The following ERI3 variants were observed in gnomAD, a reference collection of about 807,000 sequenced individuals.
The protein encoded by ERI3 is ERI1 exoribonuclease family member 3.
A neutral mutation model predicts 44.4 loss-of-function variants in ERI3; 18 were observed. The observed-to-expected ratio is 0.41, with a 90% CI of 0.28 to 0.60. The LOEUF (loss-of-function observed/expected upper bound fraction) is 0.60. Ranked by LOEUF, ERI3 falls within the 20% of genes least tolerant of loss-of-function variation. The pLI, the probability that ERI3 is intolerant of heterozygous loss-of-function variation, is 0.36. For missense variants in ERI3, 294 were observed against 435.5 expected (o/e 0.68, Z 2.89); for synonymous variants, 183 against 164.8 (o/e 1.11, Z -0.84).
intron 7 of ERI3, among the ~76,000 whole-genome samples, chr1:44,251,019 T>C (rs1156625429): frequency 6.6e-6 from 1 of 152,138 alleles, no homozygotes; most frequent in Non-Finnish European, 1.5e-5. Context: ...ACCCTAAGCA[T>C]AGTACCAGGG....
chr1:44,301,630 T>C (rs1353691310), intron 6 of ERI3, among the ~76,000 whole-genome samples: 3 of 152,174 alleles, frequency 2.0e-5, no homozygotes, highest in African/African-American at 7.2e-5. Context: ...CAATCAGCCA[T>C]TACCTCACTA....
rs199851642 is a variant in ERI3 at position 44,313,285 on chromosome 1, C to T, written c.607-57G>A. On this transcript the variant is annotated intron_variant, in intron 4 of 8. Transcript: ENST00000372257. Reference sequence around the variant, plus strand: ...AAAACCAGGGTGAAGGGACTCAAGGCTGAACAGGACCCCTTCCTTTCTGTT... The same window carrying T: ...AAAACCAGGGTGAAGGGACTCAAGGTTGAACAGGACCCCTTCCTTTCTGTT... 5 of 1,498,716 alleles carry T rather than the reference C, an allele frequency of 3.3e-6. No homozygotes were observed. The East Asian group carries it at 9.0e-5, about 27-fold the overall frequency. 92.8% of individuals were successfully genotyped at this position (1,498,716 alleles called of 1,614,324 possible). A position where few individuals can be genotyped will look rare whatever the true frequency, so the allele number is the denominator to read the frequency against.
intron 8 of ERI3, among the ~76,000 whole-genome samples, chr1:44,240,181 G>A (rs945970196): frequency 1.3e-5 from 2 of 152,206 alleles, no homozygotes; most frequent in Non-Finnish European, 2.9e-5. Context: ...ACACTTCTGC[G>A]CTGGCTCAGC....
At chr1:44,283,637 G>C (rs1645333111) in intron 7 of ERI3, among the ~76,000 whole-genome samples, 1 of 152,086 alleles carries the variant, frequency 6.6e-6, no homozygotes, top group Non-Finnish European at 1.5e-5. Context: ...CAGGAGAGGG[G>C]GTATGAGTCA....
Position 44,241,352 on chromosome 1 carries a change from G to C in ERI3, c.931+6587C>G, listed in dbSNP as rs1255289120. Reference sequence around the variant, plus strand: ...CCCCAGCCCACAGGAATCCAATGCAGTCCCTTATCTGCCCTGTCAATCACT... The same window carrying C: ...CCCCAGCCCACAGGAATCCAATGCACTCCCTTATCTGCCCTGTCAATCACT... On this transcript the variant is annotated intron_variant, in intron 8 of 8. Transcript: ENST00000372257. This position sits in a 1 kb window ranked among gnomAD's most constrained non-coding sequence, Gnocchi z 5.6. 6.6e-6 allele frequency among the ~76,000 whole-genome samples: 1 copy of C among 152,156 alleles called. No individual in the cohort carries two copies. Among genetic ancestry groups the C allele is most frequent in the African/African-American group, 2.4e-5 (1 of 41,422 alleles).
intron 8 of ERI3, among the ~76,000 whole-genome samples, chr1:44,227,683 A>G (rs1370093272): frequency 6.6e-6 from 1 of 152,158 alleles, no homozygotes; most frequent in Non-Finnish European, 1.5e-5. Flanking sequence ...TTTAAGGTTT[A>G]GCATCAAATG....
At chr1:44,227,363 T>C (rs1644070222) in intron 8 of ERI3, among the ~76,000 whole-genome samples, 1 of 152,032 alleles carries the variant, frequency 6.6e-6, no homozygotes, top group African/African-American at 2.4e-5. Flanking sequence ...GAACCATGCA[T>C]GGTAAGGGTG....
chr1:44,294,303 CAA>C (rs1175935839), intron 6 of ERI3, among the ~76,000 whole-genome samples: 2 of 152,150 alleles, frequency 1.3e-5, no homozygotes, highest in East Asian at 1.9e-4. Flanking sequence ...CAAAGTTGCT[CAA>C]AGTCTCCAAA....
chr1:44,328,842 C>T (rs1410488867), intron 3 of ERI3, among the ~76,000 whole-genome samples: 4 of 152,166 alleles, frequency 2.6e-5, no homozygotes, highest in Non-Finnish European at 5.9e-5. Flanking sequence ...CCACTTTAAG[C>T]ACCCGAGTCA....
intron 6 of ERI3, among the ~76,000 whole-genome samples, chr1:44,297,763 G>A (rs1446773411): frequency 6.6e-6 from 1 of 152,204 alleles, no homozygotes; most frequent in African/African-American, 2.4e-5. Flanking sequence ...AGGACAGATT[G>A]GCAAGCGCTG....
At chr1:44,225,380 G>A (rs80006204) in intron 8 of ERI3, among the ~76,000 whole-genome samples, 1,848 of 152,132 alleles carry the variant, frequency 0.012, 70 homozygotes, top group East Asian at 0.069. Context: ...CTTGTACCTC[G>A]GCCTCCCAAA....
In ERI3 at chr1:44,313,250, C is replaced by T. The variant is rs560282139; in HGVS notation, c.607-22G>A. 24 of 1,613,294 alleles carry T rather than the reference C, an allele frequency of 1.5e-5. No individual in the cohort carries two copies. Among genetic ancestry groups the T allele is most frequent in the Admixed American group, 5.0e-5 (3 of 60,002 alleles). On this transcript the variant is annotated intron_variant, in intron 4 of 8. Coordinates refer to ENST00000372257, the MANE Select transcript of ERI3 (RefSeq NM_024066.3). ...TGAGCTGAAAGGAAAGAGAAATAGC[C>T]GATGGGTAGAAAACCAGGGTGAAGG...
intron 2 of ERI3, among the ~76,000 whole-genome samples, chr1:44,347,879 TTGTGTGTG>T (rs113526509): frequency 2.0e-5 from 3 of 148,786 alleles, no homozygotes; most frequent in Admixed American, 6.7e-5. Flanking sequence ...GATTGTTTTG[TTGTGTGTG>T]TGTGTGTGTG....
chr1:44,266,995 G>A lies in ERI3; in HGVS notation c.831+17840C>T, dbSNP rs79665972. 3.4e-3 allele frequency among the ~76,000 whole-genome samples: 525 copies of A among 152,280 alleles called. 1 individual carries two copies. Among genetic ancestry groups the A allele is most frequent in the Admixed American group, 7.4e-3 (113 of 15,308 alleles). On this transcript the variant is annotated intron_variant, in intron 7 of 8. Transcript: ENST00000372257. Reference sequence around the variant, plus strand: ...GCTAGTAAGAGAAGGGAAGCTGAAGGGATGGAAGGCTTCAATAGAGCAATA... The same window carrying A: ...GCTAGTAAGAGAAGGGAAGCTGAAGAGATGGAAGGCTTCAATAGAGCAATA...
rs1250172563 is a variant in ERI3 at position 44,221,310 on chromosome 1, GGGGCTGATACT to G, written c.*237_*247del. On this transcript the variant is annotated 3_prime_UTR_variant, in exon 9 of 9. Transcript: ENST00000372257. The surrounding 1 kb of genome is among the most constrained non-coding windows in gnomAD (Gnocchi z 5.9). ...CCCCTAGCCCAGGCCCGCAATGGGA[GGGGCTGATACT>G]GGGCTGAGATTGAGGGGTGGGGATG... The G allele has an allele frequency of 5.7e-6, 3 of 524,902 alleles. No individual in the cohort carries two copies. Among genetic ancestry groups the G allele is most frequent in the African/African-American group, 1.9e-5 (1 of 51,694 alleles). 32.5% of individuals were successfully genotyped at this position (524,902 alleles called of 1,614,324 possible).
At chr1:44,330,803 T>C (rs1455160663) in intron 3 of ERI3, among the ~76,000 whole-genome samples, 1 of 152,144 alleles carries the variant, frequency 6.6e-6, no homozygotes, top group Non-Finnish European at 1.5e-5. Context: ...GGATAAAAAA[T>C]AATCATCCCA....
At chr1:44,224,784 G>C (rs1643995423) in intron 8 of ERI3, among the ~76,000 whole-genome samples, 1 of 152,118 alleles carries the variant, frequency 6.6e-6, no homozygotes, top group Non-Finnish European at 1.5e-5. Context: ...GGGTATTTCT[G>C]GGGTCTAACT....
chr1:44,260,427 G>A (rs1238686270), intron 7 of ERI3, among the ~76,000 whole-genome samples: 30 of 152,200 alleles, frequency 2.0e-4, no homozygotes, highest in Non-Finnish European at 7.3e-5. Context: ...CTAAAGCCAA[G>A]CCTCCTGGGA....
intron 8 of ERI3, among the ~76,000 whole-genome samples, chr1:44,229,960 G>C (rs1452404646): frequency 6.6e-6 from 1 of 152,112 alleles, no homozygotes; most frequent in Non-Finnish European, 1.5e-5. Context: ...CCCTAGGGCA[G>C]AGCCCCAGCC....
Sources: gnomAD v4.1 joint callset for allele counts (sites outside exome capture counted in the v4.1 genomes callset) on GRCh38, gnomAD v4.1.1 for gene constraint, Gnocchi (gnomAD v3.1) non-coding constraint, MANE v1.5 for transcripts, NCBI Gene and HGNC (gene_info 2026-07-23, HGNC 2026-07-21) for gene names.